Variants in COL5A3 observed in about 807,000 individuals in gnomAD.
The protein encoded by COL5A3 is collagen type V alpha 3 chain, also known as collagen alpha-3(V) chain.
A neutral mutation model predicts 250.0 loss-of-function variants in COL5A3; 172 were observed. The observed-to-expected ratio is 0.69, with a 90% CI of 0.61 to 0.78. The LOEUF is 0.78. Among genes scored for constraint, COL5A3 ranks in the 30% least tolerant of loss-of-function variants. The pLI is 0.00. For synonymous variants in COL5A3, 937 were observed against 900.4 expected, an observed-to-expected ratio of 1.04 and a Z score of -0.73; for missense variants, 2,340 against 2,334.4, an observed-to-expected ratio of 1.00 and a Z score of -0.05.
rs555557379 is a variant in COL5A3, at chr19:10,005,818, G to C, written c.415C>G (p.Gln139Glu). Residue 139 changes from glutamine (Q) to glutamate (E), a missense_variant, in exon 3 of 67, where the codon CAG (glutamine) becomes GAG (glutamate). This residue lies in a region of COL5A3 where 1,152 missense variants were observed against 1,146.3 expected (regional missense o/e 1.00). Coordinates refer to ENST00000264828, the MANE Select transcript of COL5A3 (RefSeq NM_015719.4). ...CACCTGCCATCTGTGAGGTTGACCT[G>C]CTGGGGGAGGGGGCGGAAGGGGTCA... ...LGDPFRPLPQQVNLTDGRWHR... is the reference protein window; with the variant it reads ...LGDPFRPLPQEVNLTDGRWHR... 6.2e-7 allele frequency: 1 copy of C among 1,612,146 alleles called. No individual in the cohort carries two copies.
intron 4 of COL5A3, 76 bp from the exon 5 acceptor site, chr19:10,004,221 C>G: frequency 2.0e-6 from 2 of 1,019,706 alleles, no homozygotes; most frequent in African/African-American, 1.6e-5. Flanking sequence ...TAACCCCCAG[C>G]AGTCCTGCCC....
intron 8 of COL5A3, 85 bp from the exon 9 acceptor site, chr19:9,998,234 A>C: frequency 2.7e-6 from 1 of 366,824 alleles, no homozygotes. Context: ...ACACACTTGC[A>C]CACACACACA....
Position 9,970,609 on chromosome 19 carries a change from G to A in COL5A3, c.3936+13C>T, listed in dbSNP as rs1443666227. The A allele has an allele frequency of 7.0e-7, 1 of 1,436,090 alleles. No homozygotes were observed. The highest frequency in any genetic ancestry group is 9.1e-7 in the Non-Finnish European group (1 of 1,094,006). The allele number at this position is 1,436,090 out of a possible 1,614,324, so 89.0% of individuals were successfully genotyped here. A position where few individuals can be genotyped will look rare whatever the true frequency, so the allele number is the denominator to read the frequency against. On this transcript the variant is annotated intron_variant, in intron 54 of 66. Coordinates refer to ENST00000264828, the MANE Select transcript of COL5A3 (RefSeq NM_015719.4). ...AGATAAGCTGAGGACCCAGGAGGTGGCTTATCACTTACCCTCTTGCCGGGG... is the reference window on the plus strand; with the variant it reads ...AGATAAGCTGAGGACCCAGGAGGTGACTTATCACTTACCCTCTTGCCGGGG...
rs1216571722 is a variant in COL5A3 at position 10,000,117 on chromosome 19, GC to G, written c.1110+1406del. 2.1e-4 allele frequency among the ~76,000 whole-genome samples: 32 copies of G among 150,950 alleles called. No individual in the cohort carries two copies. In the East Asian group the frequency reaches 6.0e-3, roughly 28 times the overall value. On this transcript the variant is annotated intron_variant, in intron 8 of 66. Coordinates refer to ENST00000264828, the MANE Select transcript of COL5A3 (RefSeq NM_015719.4). ...TCCCTGCCCTTAACATAAAAAAAAA[GC>G]CTAAAATTTGTACTGACTTAAGATG...
rs770948835 is a variant in COL5A3 at position 9,960,691 on chromosome 19, G to T, written c.5051C>A (p.Thr1684Lys). ...TNGEELSFNQTTAATVSVPQD... is the reference protein window; with the variant it reads ...TNGEELSFNQKTAATVSVPQD... ...GGGGACGCTGACAGTGGCTGCTGTC[G>T]TCTGGTTGAAAGACAGCTCCTCTCC... is the stretch of plus-strand genomic sequence containing the variant. Residue 1684 changes from threonine (T) to lysine (K), a missense_variant, in exon 66 of 67, where the codon ACG (threonine) becomes AAG (lysine). By Grantham distance (78) the Thr-to-Lys change is moderately conservative (BLOSUM62 -1). Around this residue, in one of 3 missense-constraint regions of COL5A3, gnomAD observed 1,179 missense variants for 1,162.6 expected, o/e 1.01. Coordinates refer to ENST00000264828, the MANE Select transcript of COL5A3 (RefSeq NM_015719.4). The T allele has an allele frequency of 3.3e-5, 54 of 1,613,800 alleles. No homozygotes were observed. The highest frequency in any genetic ancestry group is 8.0e-5 in the African/African-American group (6 of 74,912).
intron 6 of COL5A3, among the ~76,000 whole-genome samples, chr19:10,003,092 A>G (rs2087388005): frequency 6.6e-6 from 1 of 152,182 alleles, no homozygotes; most frequent in South Asian, 2.1e-4. Flanking sequence ...CCTATCAGGG[A>G]AGCCAAATAA....
At chr19:9,976,808 A>C (rs2086928721) in intron 44 of COL5A3, among the ~76,000 whole-genome samples, 197 bp from the exon 45 acceptor site, 1 of 152,098 alleles carries the variant, frequency 6.6e-6, no homozygotes, top group South Asian at 2.1e-4. Context: ...TCCTAAGCCC[A>C]GCCCTGGCCA....
chr19:9,993,605 C>A lies in COL5A3; in HGVS notation c.1695+14G>T. 1 of 1,613,640 alleles carries A rather than the reference C, an allele frequency of 6.2e-7. No homozygotes were observed. The highest frequency in any genetic ancestry group is 8.5e-7 in the Non-Finnish European group (1 of 1,179,694). On this transcript the variant is annotated intron_variant, in intron 18 of 66. Transcript: ENST00000264828. ...GGAGGGCTTAGACTTGGGGGAGGGA[C>A]CTCACACACTCACCCTTTGGCCCTT...
intron 51 of COL5A3, among the ~76,000 whole-genome samples, chr19:9,972,400 C>T (rs1244201604): frequency 6.6e-6 from 1 of 152,174 alleles, no homozygotes; most frequent in Admixed American, 6.5e-5. Flanking sequence ...GAGTTATTCA[C>T]TTGTCCATTC....
intron 52 of COL5A3, 33 bp from the exon 53 acceptor site, chr19:9,971,061 G>T: frequency 6.7e-7 from 1 of 1,492,940 alleles, no homozygotes; most frequent in Non-Finnish European, 8.9e-7. Context: ...TGGGAGGGGT[G>T]ATGAGGGTAC....
intron 35 of COL5A3, 152 bp downstream of exon 35, chr19:9,980,496 G>T: frequency 8.8e-7 from 1 of 1,132,780 alleles, no homozygotes; most frequent in Non-Finnish European, 1.2e-6. Flanking sequence ...AGCATAGGTG[G>T]GACTACAGGC....
intron 35 of COL5A3, 55 bp from the exon 36 acceptor site, chr19:9,980,102 C>T: frequency 6.7e-7 from 1 of 1,494,578 alleles, no homozygotes; most frequent in Non-Finnish European, 9.0e-7. Flanking sequence ...TGCCCACTCC[C>T]TGAGCCCCAC....
intron 27 of COL5A3, among the ~76,000 whole-genome samples, chr19:9,987,243 G>A (rs999858641): frequency 3.3e-5 from 5 of 152,156 alleles, no homozygotes; most frequent in Non-Finnish European, 5.9e-5. Flanking sequence ...TGAGCTCAGC[G>A]GGCTACAATG....
At chr19:9,982,839 T>G (rs1215987371) in intron 31 of COL5A3, among the ~76,000 whole-genome samples, 1 of 152,028 alleles carries the variant, frequency 6.6e-6, no homozygotes, top group Non-Finnish European at 1.5e-5. Flanking sequence ...GGTTCCATGG[T>G]CTCTATACTC....
intron 35 of COL5A3, 83 bp from the exon 36 acceptor site, chr19:9,980,130 G>T: frequency 1.5e-6 from 2 of 1,336,996 alleles, no homozygotes; most frequent in South Asian, 1.3e-5. Context: ...CAACAGGATC[G>T]AGCACATATT....
intron 27 of COL5A3, among the ~76,000 whole-genome samples, chr19:9,987,305 C>T (rs8100973): frequency 6.6e-6 from 1 of 152,038 alleles, no homozygotes; most frequent in Non-Finnish European, 1.5e-5. Context: ...CAGCTACAGA[C>T]AAATTCACTT....
chr19:9,973,536 T>G (rs771379211), intron 50 of COL5A3, 34 bp downstream of exon 50: 1 of 1,596,476 alleles, frequency 6.3e-7, no homozygotes, highest in Middle Eastern at 1.9e-4. Flanking sequence ...GTTCCCTGAG[T>G]TGGGTGCAGG....
intron 18 of COL5A3, 56 bp from the exon 19 acceptor site, chr19:9,993,489 C>A: frequency 6.3e-7 from 1 of 1,596,978 alleles, no homozygotes; most frequent in Non-Finnish European, 8.6e-7. Flanking sequence ...GAGAGACCAG[C>A]CCCCTGGGAA....
At chr19:9,963,896 C>T (rs748852138) in intron 64 of COL5A3, among the ~76,000 whole-genome samples, 11 of 151,356 alleles carry the variant, frequency 7.3e-5, no homozygotes, top group East Asian at 2.0e-4. Context: ...GGGCCAGGCG[C>T]GGTGGCTCAA....
Sources: gnomAD v4.1 joint callset for allele counts (sites outside exome capture counted in the v4.1 genomes callset) on GRCh38, gnomAD v4.1.1 for gene constraint, gnomAD v4.1.1 regional missense constraint, MANE v1.5 for transcripts, NCBI Gene and HGNC (gene_info 2026-07-23, HGNC 2026-07-21) for gene names.